The following ACER3 variants were observed in gnomAD, a reference collection of about 807,000 sequenced individuals.
ACER3 encodes the protein alkaline ceramidase 3.
Under a neutral mutation model 48.9 loss-of-function variants are expected in ACER3, and 16 were observed. That is an observed-to-expected ratio of 0.33 (90% CI 0.22 to 0.50). The LOEUF (loss-of-function observed/expected upper bound fraction) is 0.50, where lower values mean the gene tolerates loss of function less well. Ranked by LOEUF, ACER3 falls within the 20% of genes least tolerant of loss-of-function variation. The pLI is 0.98. For missense variants in ACER3, 227 were observed against 326.0 expected (o/e 0.70, Z 2.34); for synonymous variants, 109 against 107.8 (o/e 1.01, Z -0.07).
Position 76,985,614 on chromosome 11 carries a change from T to C in ACER3, c.321-29T>C, listed in dbSNP as rs373296234. On this transcript the variant is annotated intron_variant, in intron 4 of 10. Coordinates refer to ENST00000532485, the MANE Select transcript of ACER3 (RefSeq NM_018367.7). ...TTATGTTCCTACTTATATATTCTTT[T>C]AAAAGTTTCTTTCTCTCTTTTTTTC... is the stretch of plus-strand genomic sequence containing the variant. 4.9e-6 allele frequency: 7 copies of C among 1,418,716 alleles called. No individual in the cohort carries two copies. The African/African-American group carries it at 7.3e-5, about 15-fold the overall frequency. The allele number at this position is 1,418,716 out of a possible 1,614,324, so 87.9% of individuals were successfully genotyped here. A position where few individuals can be genotyped will look rare whatever the true frequency, so the allele number is the denominator to read the frequency against.
intron 2 of ACER3, among the ~76,000 whole-genome samples, chr11:76,937,126 A>G (rs1947210251): frequency 6.6e-6 from 1 of 152,236 alleles, no homozygotes; most frequent in Non-Finnish European, 1.5e-5. Context: ...CAAGTATAAG[A>G]AAAAATATTC....
intron 3 of ACER3, among the ~76,000 whole-genome samples, chr11:76,962,461 C>G (rs1190521883): frequency 6.6e-6 from 1 of 151,146 alleles, no homozygotes; most frequent in African/African-American, 2.5e-5. Context: ...CTCAGATGAT[C>G]CACCCACCTG....
At chr11:76,963,122 T>C (rs117160912) in intron 3 of ACER3, among the ~76,000 whole-genome samples, 3,096 of 151,330 alleles carry the variant, frequency 0.02, 50 homozygotes, top group Non-Finnish European at 0.033. Flanking sequence ...TAGAAGCCTT[T>C]TGCTCTTTGT....
intron 2 of ACER3, among the ~76,000 whole-genome samples, chr11:76,941,893 T>C (rs1947350716): frequency 6.6e-6 from 1 of 152,080 alleles, no homozygotes; most frequent in Admixed American, 6.6e-5. Context: ...TATTTCTAGG[T>C]ATTTTATTAT....
chr11:76,883,057 T>G (rs1429156244), intron 1 of ACER3, among the ~76,000 whole-genome samples: 1 of 152,216 alleles, frequency 6.6e-6, no homozygotes, highest in Non-Finnish European at 1.5e-5. Context: ...TCACTGTTTC[T>G]TATGTACTGT....
rs143299269 is a variant in ACER3 at position 76,924,784 on chromosome 11, A to G, written c.104-1773A>G. 8.8e-4 allele frequency among the ~76,000 whole-genome samples: 134 copies of G among 152,018 alleles called. 1 individual carries two copies. The East Asian group carries it at 0.023, about 27-fold the overall frequency. ...ACTGCTAAGCCAGATAGTGTACTCT[A>G]TGGTAACATTTCTTTCTGTGTAGAC... is the stretch of plus-strand genomic sequence containing the variant. On this transcript the variant is annotated intron_variant, in intron 1 of 10. Transcript: ENST00000532485.
chr11:76,910,351 T>C (rs1314815238), intron 1 of ACER3, among the ~76,000 whole-genome samples: 1 of 152,208 alleles, frequency 6.6e-6, no homozygotes, highest in Non-Finnish European at 1.5e-5. Context: ...GAAAAAAGAC[T>C]ACATATAATT....
chr11:76,937,002 C>G (rs1424539792), intron 2 of ACER3, among the ~76,000 whole-genome samples: 2 of 152,036 alleles, frequency 1.3e-5, no homozygotes, highest in African/African-American at 4.8e-5. Context: ...CAGGCATGAG[C>G]CACTGTGCCC....
chr11:77,011,797 A>G (rs2135313021), intron 7 of ACER3, among the ~76,000 whole-genome samples: 1 of 152,350 alleles, frequency 6.6e-6, no homozygotes, highest in South Asian at 2.1e-4. Flanking sequence ...TTAGAAAATT[A>G]AAATTAAATA....
At chr11:76,925,566 G>T (rs937752502) in intron 1 of ACER3, among the ~76,000 whole-genome samples, 1 of 151,934 alleles carries the variant, frequency 6.6e-6, no homozygotes, top group African/African-American at 2.4e-5. Context: ...TTCTCCTGCC[G>T]CAGTTTGGAT....
At chr11:76,985,569 G>A in intron 4 of ACER3, 74 bp from the exon 5 acceptor site, 3 of 920,986 alleles carry the variant, frequency 3.3e-6, no homozygotes, top group Middle Eastern at 3.3e-4. Context: ...ATATAGGCAA[G>A]TGGTAAAGCA....
intron 1 of ACER3, among the ~76,000 whole-genome samples, chr11:76,871,695 A>G (rs1945244117): frequency 6.6e-6 from 1 of 152,200 alleles, no homozygotes; most frequent in Non-Finnish European, 1.5e-5. Flanking sequence ...CCTCTAAAAG[A>G]TGCTAGACTC....
chr11:76,880,422 G>GC (rs1945493412), intron 1 of ACER3, among the ~76,000 whole-genome samples: 1 of 152,340 alleles, frequency 6.6e-6, no homozygotes, highest in African/African-American at 2.4e-5. Flanking sequence ...GTGGACACTA[G>GC]CTGGGTATCT....
chr11:77,001,120 G>A (rs1949023547), intron 7 of ACER3, among the ~76,000 whole-genome samples: 1 of 151,994 alleles, frequency 6.6e-6, no homozygotes, highest in African/African-American at 2.4e-5. Context: ...TTAAGCAGTT[G>A]TGATATTGTA....
At chr11:76,905,937 C>A (rs564067103) in intron 1 of ACER3, among the ~76,000 whole-genome samples, 1 of 152,300 alleles carries the variant, frequency 6.6e-6, no homozygotes, top group South Asian at 2.1e-4. Context: ...ACCATTACAT[C>A]TGGAAATGCA....
chr11:76,872,896 T>C (rs1027802672), intron 1 of ACER3, among the ~76,000 whole-genome samples: 7 of 134,156 alleles, frequency 5.2e-5, no homozygotes, highest in African/African-American at 2.1e-4. Flanking sequence ...CTTTCTTTCT[T>C]TCTTTTTTCT....
At chr11:76,969,732 G>A (rs1040535014) in intron 3 of ACER3, among the ~76,000 whole-genome samples, 3 of 147,966 alleles carry the variant, frequency 2.0e-5, no homozygotes, top group Admixed American at 1.4e-4. Flanking sequence ...ACTCATAGGT[G>A]GGAATTGAAC....
At chr11:76,894,470 T>C (rs772163376) in intron 1 of ACER3, among the ~76,000 whole-genome samples, 15 of 152,214 alleles carry the variant, frequency 9.9e-5, no homozygotes, top group Non-Finnish European at 1.8e-4. Flanking sequence ...TTAATATGCT[T>C]AGACTTAGGT....
intron 8 of ACER3, among the ~76,000 whole-genome samples, chr11:77,016,388 T>G (rs1949370127): frequency 6.6e-6 from 1 of 152,164 alleles, no homozygotes. Flanking sequence ...AAATACATAC[T>G]AAATATTTAT....
Sources: allele counts gnomAD v4.1 joint callset (sites outside exome capture counted in the v4.1 genomes callset), GRCh38; gene constraint gnomAD v4.1.1; transcripts MANE v1.5; gene names NCBI Gene and HGNC (gene_info 2026-07-23, HGNC 2026-07-21).